MAP3K5: variants seen among roughly 807,000 people sequenced by gnomAD.
The protein encoded by MAP3K5 is mitogen-activated protein kinase kinase kinase 5.
MAP3K5 carries 56 observed loss-of-function variants against 158.7 expected under a neutral mutation model. The ratio of observed to expected loss-of-function variants is 0.35; its 90% CI spans 0.28 to 0.44. The LOEUF (loss-of-function observed/expected upper bound fraction) is 0.44. Among genes scored for constraint, MAP3K5 ranks in the 20% least tolerant of loss-of-function variants. The pLI is 1.00. For missense variants in MAP3K5, 1,294 were observed against 1,674.8 expected (o/e 0.77, Z 3.97); for synonymous variants, 579 against 601.7 (o/e 0.96, Z 0.55).
At chr6:136,702,650 T>C (rs1480525321) in intron 3 of MAP3K5, among the ~76,000 whole-genome samples, 3 of 152,220 alleles carry the variant, frequency 2.0e-5, no homozygotes. Context: ...CAACACATGC[T>C]ATAAAATCCC....
In MAP3K5 at chr6:136,745,143, G is replaced by GTT. The variant is rs11302986; in HGVS notation, c.449-24556_449-24555dup. Among the ~76,000 whole-genome samples, 23 of 108,028 alleles carry GTT rather than the reference G, an allele frequency of 2.1e-4. No homozygotes were observed. The East Asian group carries it at 5.0e-3, about 23-fold the overall frequency. 70.9% of individuals were successfully genotyped at this position (108,028 alleles called of 152,430 possible). The stretch of plus-strand genomic sequence containing the variant: ...GGGCATACACTTGGCAGTCATTAAA[G>GTT]TTTTTTTTTTTTTTTTTTTTTTGAG... On this transcript the variant is annotated intron_variant, in intron 1 of 29. Transcript: ENST00000359015.
At chr6:136,639,681 ATTC>A (rs1313189293) in intron 12 of MAP3K5, 43 bp from the exon 13 acceptor site, 3 of 908,778 alleles carry the variant, frequency 3.3e-6, no homozygotes, top group African/African-American at 3.4e-5. Context: ...AGAACTATCA[ATTC>A]TTCTACAGTC....
At chr6:136,707,277 A>G (rs1050698079) in intron 2 of MAP3K5, among the ~76,000 whole-genome samples, 1 of 152,276 alleles carries the variant, frequency 6.6e-6, no homozygotes, top group African/African-American at 2.4e-5. Flanking sequence ...CACAATTGCT[A>G]AAAGTAAAAA....
chr6:136,772,267 G>A (rs1376593089), intron 1 of MAP3K5, among the ~76,000 whole-genome samples: 1 of 152,066 alleles, frequency 6.6e-6, no homozygotes, highest in East Asian at 1.9e-4. Context: ...CCCTAGTAAA[G>A]TAATTCTCTA....
chr6:136,700,248 A>G (rs1335581003), intron 3 of MAP3K5, among the ~76,000 whole-genome samples: 2 of 152,194 alleles, frequency 1.3e-5, no homozygotes, highest in Non-Finnish European at 2.9e-5. Flanking sequence ...GGCAGGTAAC[A>G]AGATGCACTA....
chr6:136,655,290 A>T (rs1778693619), intron 10 of MAP3K5, among the ~76,000 whole-genome samples: 1 of 152,232 alleles, frequency 6.6e-6, no homozygotes, highest in Admixed American at 6.5e-5. Flanking sequence ...GCAAGCTGCC[A>T]GCTCATTCTA....
At chr6:136,721,738 C>G (rs926589894) in intron 1 of MAP3K5, among the ~76,000 whole-genome samples, 1 of 152,160 alleles carries the variant, frequency 6.6e-6, no homozygotes, top group African/African-American at 2.4e-5. Context: ...AATTGCTGAG[C>G]TGGGCACAGT....
chr6:136,778,748 C>T (rs1043961462), intron 1 of MAP3K5, among the ~76,000 whole-genome samples: 1 of 152,096 alleles, frequency 6.6e-6, no homozygotes, highest in African/African-American at 2.4e-5. Context: ...TGGATTCTGC[C>T]CCTCAGTAGC....
At chr6:136,584,830 C>T (rs1271311778) in intron 23 of MAP3K5, among the ~76,000 whole-genome samples, 6 of 152,152 alleles carry the variant, frequency 3.9e-5, no homozygotes, top group South Asian at 2.1e-4. Context: ...CTGTGAGACT[C>T]GGCTAGGCAC....
intron 12 of MAP3K5, among the ~76,000 whole-genome samples, chr6:136,642,036 AAAATAAAATAAAAT>A (rs1562571537): frequency 0.01 from 1,166 of 115,810 alleles, 26 homozygotes; most frequent in African/African-American, 0.033. Context: ...AAATAAAAAT[AAAATAAAATAAAAT>A]AAAATAAAAT....
At chr6:136,772,044 G>T (rs1582677611) in intron 1 of MAP3K5, among the ~76,000 whole-genome samples, 1 of 147,706 alleles carries the variant, frequency 6.8e-6, no homozygotes, top group East Asian at 2.1e-4. Context: ...AACTAGCTGG[G>T]ACTACAGGCG....
Position 136,580,397 on chromosome 6 carries a change from C to T in MAP3K5, c.3421G>A (p.Val1141Ile). The T allele has an allele frequency of 6.2e-7, 1 of 1,608,180 alleles. No individual in the cohort carries two copies. Among genetic ancestry groups the T allele is most frequent in the Non-Finnish European group, 8.5e-7 (1 of 1,174,746 alleles). ...GGCTTGATGTTATGATTCCGAAGAA[C>T]TTTATTGACCTGGAGAGAGAGTGAC... ...LFGFQDAVNK[V>I]LRNHNIKPHW... The change falls in exon 25 of 30, where the codon GTT becomes ATT. Residue 1141 changes from valine (V) to isoleucine (I), a missense_variant. Transcript: ENST00000359015.
At chr6:136,563,807 T>G (rs1830619719) in intron 26 of MAP3K5, among the ~76,000 whole-genome samples, 1 of 152,234 alleles carries the variant, frequency 6.6e-6, no homozygotes, top group South Asian at 2.1e-4. Flanking sequence ...ATTTAAAATA[T>G]ATCGTTATTA....
At chr6:136,732,103 T>C (rs973639305) in intron 1 of MAP3K5, among the ~76,000 whole-genome samples, 2 of 151,960 alleles carry the variant, frequency 1.3e-5, no homozygotes, top group African/African-American at 4.8e-5. Flanking sequence ...AAGTCAACCA[T>C]GGGGGAAAAG....
chr6:136,739,277 C>T (rs1782612200), intron 1 of MAP3K5, among the ~76,000 whole-genome samples: 1 of 152,164 alleles, frequency 6.6e-6, no homozygotes, highest in South Asian at 2.1e-4. Context: ...GTGTAGCTGG[C>T]TGGTGTCAGA....
intron 12 of MAP3K5, among the ~76,000 whole-genome samples, chr6:136,642,066 AAAAT>A (rs1257653210): frequency 7.0e-6 from 1 of 143,344 alleles, no homozygotes; most frequent in African/African-American, 2.8e-5. Context: ...AAAATAAAAT[AAAAT>A]AAAATAAAAT....
In MAP3K5 at chr6:136,580,409, GGAGA is replaced by G; in HGVS notation, c.3412-7_3412-4del. 1 of 1,589,950 alleles carries G rather than the reference GGAGA, an allele frequency of 6.3e-7. No individual in the cohort carries two copies. The highest frequency in any genetic ancestry group is 8.6e-7 in the Non-Finnish European group (1 of 1,158,644). ...TGATTCCGAAGAACTTTATTGACCT[GGAGA>G]GAGAGTGACATTTAGCCTACTTTAA... is the stretch of plus-strand genomic sequence containing the variant. On this transcript the variant is annotated splice_region_variant and splice_polypyrimidine_tract_variant and intron_variant, in intron 24 of 29. Coordinates refer to ENST00000359015, the MANE Select transcript of MAP3K5 (RefSeq NM_005923.4).
intron 1 of MAP3K5, among the ~76,000 whole-genome samples, chr6:136,758,916 T>C (rs894472173): frequency 6.6e-6 from 1 of 152,250 alleles, no homozygotes; most frequent in Admixed American, 6.5e-5. Context: ...CTCACGCCTG[T>C]AATCCCAGCC....
chr6:136,734,867 T>C (rs77062069), intron 1 of MAP3K5, among the ~76,000 whole-genome samples: 1,537 of 152,324 alleles, frequency 0.01, 33 homozygotes, highest in African/African-American at 0.036. Flanking sequence ...CCCAAACCAA[T>C]AATCTGCCTC....
Sources: allele counts gnomAD v4.1 joint callset (sites outside exome capture counted in the v4.1 genomes callset), GRCh38; gene constraint gnomAD v4.1.1; transcripts MANE v1.5; gene names NCBI Gene and HGNC (gene_info 2026-07-23, HGNC 2026-07-21).